The following UNC5C variants were observed in gnomAD, a reference collection of about 807,000 sequenced individuals.
UNC5C encodes netrin receptor UNC5C.
UNC5C carries 47 observed loss-of-function variants against 99.8 expected under a neutral mutation model. The observed-to-expected ratio is 0.47, with a 90% CI of 0.37 to 0.60. The LOEUF is 0.60. Among genes scored for constraint, UNC5C ranks in the 20% least tolerant of loss-of-function variants. The pLI is 0.00. For missense variants in UNC5C, 1,062 were observed against 1,165.9 expected, an observed-to-expected ratio of 0.91 and a Z score of 1.30; for synonymous variants, 487 against 452.2, an observed-to-expected ratio of 1.08 and a Z score of -0.98.
chr4:95,172,415 T>C (rs1241658479), intron 14 of UNC5C, among the ~76,000 whole-genome samples: 1 of 152,098 alleles, frequency 6.6e-6, no homozygotes, highest in African/African-American at 2.4e-5. Context: ...TTGATTTTTG[T>C]ATAAGGTGTA....
chr4:95,403,505 C>A (rs1745754934), intron 1 of UNC5C, among the ~76,000 whole-genome samples: 1 of 152,192 alleles, frequency 6.6e-6, no homozygotes. Context: ...CCTGCTAATA[C>A]TTTCACTTTA....
rs140321781 is a variant in UNC5C at position 95,432,788 on chromosome 4, A to T, written c.125-97157T>A. 2.0e-5 allele frequency among the ~76,000 whole-genome samples: 3 copies of T among 152,274 alleles called. No individual in the cohort carries two copies. The East Asian group carries it at 5.8e-4, about 29-fold the overall frequency. Reference sequence around the variant, plus strand: ...CATTGAAAACATGGGGAGATCAAGCACAAGGCTTCTAACATTGTGTGATGC... The same window carrying T: ...CATTGAAAACATGGGGAGATCAAGCTCAAGGCTTCTAACATTGTGTGATGC... On this transcript the variant is annotated intron_variant, in intron 1 of 15. Coordinates refer to ENST00000453304, the MANE Select transcript of UNC5C (RefSeq NM_003728.4).
At chr4:95,483,334 T>A (rs926319233) in intron 1 of UNC5C, among the ~76,000 whole-genome samples, 3 of 151,848 alleles carry the variant, frequency 2.0e-5, no homozygotes, top group African/African-American at 4.8e-5. Context: ...CAGCACTTTT[T>A]ATGTTATCTT....
At chr4:95,501,906 G>A (rs1721785163) in intron 1 of UNC5C, among the ~76,000 whole-genome samples, 1 of 151,982 alleles carries the variant, frequency 6.6e-6, no homozygotes, top group South Asian at 2.1e-4. Context: ...CTCTTATGTT[G>A]GAAATATTTA....
intron 1 of UNC5C, among the ~76,000 whole-genome samples, chr4:95,484,068 C>A (rs549613071): frequency 6.6e-5 from 10 of 151,724 alleles, no homozygotes; most frequent in South Asian, 2.1e-4. Context: ...ATTAAAAAAA[C>A]CATATTGGTT....
At chr4:95,397,650 G>C (rs1745553548) in intron 1 of UNC5C, among the ~76,000 whole-genome samples, 1 of 152,114 alleles carries the variant, frequency 6.6e-6, no homozygotes, top group Non-Finnish European at 1.5e-5. Flanking sequence ...TTGCATATTT[G>C]TGTCACTCAA....
At chr4:95,287,835 C>G (rs1253531950) in intron 3 of UNC5C, among the ~76,000 whole-genome samples, 1 of 152,160 alleles carries the variant, frequency 6.6e-6, no homozygotes, top group Non-Finnish European at 1.5e-5. Context: ...CAAACTTAAT[C>G]CCAGCCTTGA....
chr4:95,236,758 T>C (rs971409767), intron 7 of UNC5C, among the ~76,000 whole-genome samples: 5 of 152,218 alleles, frequency 3.3e-5, no homozygotes, highest in African/African-American at 1.2e-4. Flanking sequence ...TGCTTTTCCA[T>C]GTTAAAACCT....
At chr4:95,412,163 C>A (rs1424028754) in intron 1 of UNC5C, among the ~76,000 whole-genome samples, 1 of 152,062 alleles carries the variant, frequency 6.6e-6, no homozygotes, top group Non-Finnish European at 1.5e-5. Context: ...CAAGTCATGC[C>A]AACTGACTTG....
chr4:95,182,482 A>G (rs1203611409), intron 14 of UNC5C, among the ~76,000 whole-genome samples: 1 of 152,038 alleles, frequency 6.6e-6, no homozygotes, highest in African/African-American at 2.4e-5. Flanking sequence ...ATTAGGGGAA[A>G]GGGAGGAGAG....
intron 1 of UNC5C, among the ~76,000 whole-genome samples, chr4:95,383,292 T>A (rs991010838): frequency 7.5e-5 from 11 of 147,020 alleles, no homozygotes; most frequent in South Asian, 2.1e-4. Flanking sequence ...CACACACACT[T>A]ATTTATTGTT....
chr4:95,468,272 T>C lies in UNC5C; in HGVS notation c.124+80462A>G, dbSNP rs574297335. Among the ~76,000 whole-genome samples, 5 of 152,256 alleles carry C rather than the reference T, an allele frequency of 3.3e-5. No homozygotes were observed. The East Asian group carries it at 9.7e-4, about 29-fold the overall frequency. On this transcript the variant is annotated intron_variant, in intron 1 of 15. Transcript: ENST00000453304. ...AGCAGCCTTGAATAATCAGAACCCTTCTGCTAGATTGTCTAATATCAACTT... is the reference window on the plus strand; with the variant it reads ...AGCAGCCTTGAATAATCAGAACCCTCCTGCTAGATTGTCTAATATCAACTT...
chr4:95,478,644 A>C (rs886614585), intron 1 of UNC5C, among the ~76,000 whole-genome samples: 1 of 151,938 alleles, frequency 6.6e-6, no homozygotes, highest in African/African-American at 2.4e-5. Flanking sequence ...TCTTTAATCA[A>C]TCTGCATTTT....
chr4:95,454,557 GCAAT>G (rs1198938537), intron 1 of UNC5C, among the ~76,000 whole-genome samples: 4 of 152,076 alleles, frequency 2.6e-5, no homozygotes, highest in Non-Finnish European at 4.4e-5. Flanking sequence ...CACTGAGAGA[GCAAT>G]CAGTCATTCA....
At chr4:95,535,473 T>C in intron 1 of UNC5C, among the ~76,000 whole-genome samples, 1 of 152,210 alleles carries the variant, frequency 6.6e-6, no homozygotes, top group Non-Finnish European at 1.5e-5. Flanking sequence ...ATTGCTAATG[T>C]GCATTAAGTG....
chr4:95,176,071 T>G (rs1466729294), intron 14 of UNC5C, among the ~76,000 whole-genome samples: 2 of 147,818 alleles, frequency 1.4e-5, no homozygotes, highest in Non-Finnish European at 3.0e-5. Flanking sequence ...ACGTAGTTCT[T>G]GAGCCTTGGT....
At chr4:95,379,566 A>G (rs561466925) in intron 1 of UNC5C, among the ~76,000 whole-genome samples, 13 of 152,274 alleles carry the variant, frequency 8.5e-5, no homozygotes, top group African/African-American at 4.8e-5. Flanking sequence ...CACAGTACAC[A>G]TGTGTGAGCT....
chr4:95,214,018 C>T (rs1010847588), intron 10 of UNC5C, among the ~76,000 whole-genome samples: 3 of 152,196 alleles, frequency 2.0e-5, no homozygotes, highest in East Asian at 3.8e-4. Context: ...CCCAATTCCC[C>T]TGTGCCTCAG....
At chr4:95,212,348 A>C (rs1738100823) in intron 10 of UNC5C, among the ~76,000 whole-genome samples, 1 of 152,082 alleles carries the variant, frequency 6.6e-6, no homozygotes, top group Non-Finnish European at 1.5e-5. Context: ...TTGAGGCTCC[A>C]TCTTGGAGCC....
Sources: allele counts gnomAD v4.1 joint callset (sites outside exome capture counted in the v4.1 genomes callset), GRCh38; gene constraint gnomAD v4.1.1; transcripts MANE v1.5; gene names NCBI Gene and HGNC (gene_info 2026-07-23, HGNC 2026-07-21).